TAF4B: variants seen among roughly 807,000 people sequenced by gnomAD.
TAF4B encodes the protein transcription initiation factor TFIID subunit 4B.
In TAF4B, 38 loss-of-function variants were observed where a neutral mutation model predicts 86.4. The observed-to-expected ratio is 0.44, with a 90% CI of 0.34 to 0.58. TAF4B has a LOEUF of 0.58. Ranked by LOEUF, TAF4B falls within the 20% of genes least tolerant of loss-of-function variation. TAF4B has a pLI of 0.02. For synonymous variants in TAF4B, 388 were observed against 391.2 expected (o/e 0.99, Z 0.10); for missense variants, 988 against 1,027.6 (o/e 0.96, Z 0.53).
At chr18:26,322,452 AC>A (rs2056970983) in intron 11 of TAF4B, among the ~76,000 whole-genome samples, 1 of 142,488 alleles carries the variant, frequency 7.0e-6, no homozygotes, top group Non-Finnish European at 1.6e-5. Context: ...CTAGAAACAC[AC>A]AAAAATAAAT....
chr18:26,267,565 A>C lies in TAF4B; in HGVS notation c.539A>C (p.Lys180Thr). The change falls in exon 3 of 15, where the codon AAA becomes ACA. Residue 180 changes from lysine (K) to threonine (T), a missense_variant. Physicochemically the swap from Lys to Thr is moderately conservative, Grantham distance 78 (BLOSUM62 -1). This residue lies in a region of TAF4B where 747 missense variants were observed against 737.9 expected (regional missense o/e 1.01). Transcript: ENST00000269142. ...AAAGTGGCAGTGACACCTGTTAAAA[A>C]ATTGGCACAAATAGGAACTACTGTG... ...IKKVAVTPVK[K>T]LAQIGTTVVT... 6.2e-7 allele frequency: 1 copy of C among 1,614,198 alleles called. No homozygotes were observed. The highest frequency in any genetic ancestry group is 1.6e-4 in the Middle Eastern group (1 of 6,062).
At chr18:26,346,841 GTGTGTATA>G (rs2057195411) in intron 13 of TAF4B, among the ~76,000 whole-genome samples, 1 of 16,046 alleles carries the variant, frequency 6.2e-5, no homozygotes, top group African/African-American at 1.5e-4. Context: ...ATATATGTGT[GTGTGTATA>G]TATATATATG....
chr18:26,305,520 G>A (rs2056785224), intron 9 of TAF4B, among the ~76,000 whole-genome samples: 1 of 152,118 alleles, frequency 6.6e-6, no homozygotes, highest in Non-Finnish European at 1.5e-5. Flanking sequence ...CGATTCTCGT[G>A]CCTCAGCCTC....
chr18:26,370,249 C>A (rs2057397617), intron 14 of TAF4B, among the ~76,000 whole-genome samples: 2 of 152,214 alleles, frequency 1.3e-5, no homozygotes, highest in Admixed American at 6.5e-5. Flanking sequence ...GCAGAGATTT[C>A]TGGACACCAC....
At chr18:26,253,754 C>T (rs2056039618) in intron 1 of TAF4B, among the ~76,000 whole-genome samples, 1 of 151,814 alleles carries the variant, frequency 6.6e-6, no homozygotes, top group Non-Finnish European at 1.5e-5. Flanking sequence ...TTCTTAAAGG[C>T]CTATTCAGGT....
At chr18:26,344,639 A>G (rs1004796855) in intron 13 of TAF4B, among the ~76,000 whole-genome samples, 3 of 152,256 alleles carry the variant, frequency 2.0e-5, no homozygotes, top group Non-Finnish European at 4.4e-5. Context: ...AATGGAAAAC[A>G]TAATAGGCTA....
chr18:26,284,857 A>C (rs760632592), intron 6 of TAF4B, among the ~76,000 whole-genome samples: 1 of 152,236 alleles, frequency 6.6e-6, no homozygotes, highest in Non-Finnish European at 1.5e-5. Flanking sequence ...CAACAGAGTG[A>C]GACTCCGTCT....
chr18:26,381,054 G>C (rs190662597), intron 14 of TAF4B, among the ~76,000 whole-genome samples: 6 of 151,700 alleles, frequency 4.0e-5, no homozygotes, highest in African/African-American at 1.5e-4. Context: ...TTGCCCTGTC[G>C]CCCAGGCTGG....
At chr18:26,259,295 T>C (rs182220846) in intron 1 of TAF4B, among the ~76,000 whole-genome samples, 4 of 152,196 alleles carry the variant, frequency 2.6e-5, no homozygotes, top group Admixed American at 2.6e-4. Context: ...TTCTTTTTTT[T>C]TTATTATACT....
chr18:26,256,366 C>T lies in TAF4B; in HGVS notation c.344-8804C>T, dbSNP rs55808439. On this transcript the variant is annotated intron_variant, in intron 1 of 14. Transcript: ENST00000269142. Reference sequence around the variant, plus strand: ...GTGTGAAAACCAAACATCTTTTCTTCTGGGCAAAAGTCTTCCAAAAGCAGC... The same window carrying T: ...GTGTGAAAACCAAACATCTTTTCTTTTGGGCAAAAGTCTTCCAAAAGCAGC... 2.9e-4 allele frequency: 408 copies of T among 1,426,202 alleles called. 2 individuals are homozygous for T. The highest frequency in any genetic ancestry group is 5.2e-5 in the Non-Finnish European group (53 of 1,011,044). The allele number at this position is 1,426,202 out of a possible 1,614,324, so 88.3% of individuals were successfully genotyped here. A position where few individuals can be genotyped will look rare whatever the true frequency, so the allele number is the denominator to read the frequency against.
At chr18:26,377,835 T>G (rs558722220) in intron 14 of TAF4B, among the ~76,000 whole-genome samples, 1 of 152,348 alleles carries the variant, frequency 6.6e-6, no homozygotes, top group Non-Finnish European at 1.5e-5. Flanking sequence ...GTATTTGGCT[T>G]CCGTCATTAG....
chr18:26,367,763 T>C lies in TAF4B; in HGVS notation c.2421+9969T>C, dbSNP rs1283853416. On this transcript the variant is annotated intron_variant, in intron 14 of 14. Coordinates refer to ENST00000269142, the MANE Select transcript of TAF4B (RefSeq NM_005640.3). ...AATATTTTCACTTGTTTGTTATAAA[T>C]AATGAGCATCCTGTTTTATCTTCAT... 2.6e-5 allele frequency among the ~76,000 whole-genome samples: 4 copies of C among 152,230 alleles called. No individual in the cohort carries two copies. In the South Asian group the frequency reaches 8.3e-4, roughly 32 times the overall value.
chr18:26,345,698 C>T (rs1009145117), intron 13 of TAF4B, among the ~76,000 whole-genome samples: 1 of 152,134 alleles, frequency 6.6e-6, no homozygotes, highest in Admixed American at 6.5e-5. Context: ...AAACCTCCTC[C>T]ATAAAATTGG....
intron 1 of TAF4B, among the ~76,000 whole-genome samples, chr18:26,251,336 T>C (rs920741209): frequency 1.3e-5 from 2 of 152,192 alleles, no homozygotes; most frequent in South Asian, 4.1e-4. Context: ...ATAGATGAAT[T>C]CTAGCATCTT....
intron 11 of TAF4B, among the ~76,000 whole-genome samples, chr18:26,324,143 T>G (rs1272565716): frequency 6.6e-6 from 1 of 152,264 alleles, no homozygotes; most frequent in East Asian, 1.9e-4. Context: ...ATCAGCTTAC[T>G]TTTAATTTTG....
intron 1 of TAF4B, among the ~76,000 whole-genome samples, chr18:26,233,446 G>C (rs1411286721): frequency 6.6e-6 from 1 of 152,170 alleles, no homozygotes; most frequent in Non-Finnish European, 1.5e-5. Flanking sequence ...AGGAAGTGAT[G>C]ATTTTTGGAG....
At chr18:26,344,666 A>G (rs566725969) in intron 13 of TAF4B, among the ~76,000 whole-genome samples, 139 of 152,340 alleles carry the variant, frequency 9.1e-4, no homozygotes, top group African/African-American at 2.8e-3. Context: ...TTTTGAATTA[A>G]AGTATGTTTA....
rs1479207138 is a variant in TAF4B at position 26,285,878 on chromosome 18, C to T, written c.973-4C>T. The T allele has an allele frequency of 6.3e-7, 1 of 1,597,292 alleles. No homozygotes were observed. Among genetic ancestry groups the T allele is most frequent in the Middle Eastern group, 1.7e-4 (1 of 5,992 alleles). On this transcript the variant is annotated splice_polypyrimidine_tract_variant and splice_region_variant and intron_variant, in intron 6 of 14. Coordinates refer to ENST00000269142, the MANE Select transcript of TAF4B (RefSeq NM_005640.3). ...TGTTTTTTTCCATTCCTCTGCATTT[C>T]CAGAAAAGCGTGGTTGCCTTACGAC...
chr18:26,377,196 G>T (rs1466438245), intron 14 of TAF4B, among the ~76,000 whole-genome samples: 2 of 152,078 alleles, frequency 1.3e-5, no homozygotes, highest in African/African-American at 4.8e-5. Context: ...TTGGAGAATG[G>T]ATTAGAAAGT....
Sources: gnomAD v4.1 joint callset for allele counts (sites outside exome capture counted in the v4.1 genomes callset) on GRCh38, gnomAD v4.1.1 for gene constraint, gnomAD v4.1.1 regional missense constraint, MANE v1.5 for transcripts, NCBI Gene and HGNC (gene_info 2026-07-23, HGNC 2026-07-21) for gene names.